TAF3: variants seen among roughly 807,000 people sequenced by gnomAD.
The protein encoded by TAF3 is TATA-box binding protein associated factor 3.
In TAF3, 7 loss-of-function variants were observed where a neutral mutation model predicts 80.6. The ratio of observed to expected loss-of-function variants is 0.09; its 90% CI spans 0.05 to 0.16. TAF3 has a LOEUF of 0.16. Ranked by LOEUF, TAF3 falls within the 10% of genes least tolerant of loss-of-function variation. The pLI is 1.00. For missense variants in TAF3, 921 were observed against 1,140.2 expected (o/e 0.81, Z 2.77); for synonymous variants, 444 against 446.1 (o/e 1.00, Z 0.06).
intron 4 of TAF3, among the ~76,000 whole-genome samples, chr10:8,008,404 G>A (rs1396963413): frequency 2.0e-5 from 3 of 152,072 alleles, no homozygotes; most frequent in South Asian, 2.1e-4. Context: ...CAGCCTGAAC[G>A]GTCAATCTTT....
In TAF3 at chr10:7,818,874, C is replaced by T. The variant is rs1836659067; in HGVS notation, c.165C>T (p.Leu55=). Residue 55 remains leucine, a splice_region_variant and synonymous_variant, in exon 1 of 7, where the codon CTC becomes CTT. Transcript: ENST00000344293. ...LGRGCHRYSE[L]YGRTDPILDD... ...GGGGCTGCCATCGGTACTCTGAGCT[C>T]TGTGAGTACCGGGCTGGGTGCGGGA... The T allele has an allele frequency of 4.1e-6, 6 of 1,471,460 alleles. No homozygotes were observed. Among genetic ancestry groups the T allele is most frequent in the Non-Finnish European group, 5.4e-6 (6 of 1,119,512 alleles). The allele number at this position is 1,471,460 out of a possible 1,614,324, so 91.2% of individuals were successfully genotyped here.
At chr10:7,995,895 A>G (rs758875949) in intron 4 of TAF3, among the ~76,000 whole-genome samples, 2 of 152,206 alleles carry the variant, frequency 1.3e-5, no homozygotes, top group Non-Finnish European at 2.9e-5. Context: ...AAGAATCAAC[A>G]TAAAACCGAT....
chr10:7,929,436 T>C (rs1465402310), intron 2 of TAF3, among the ~76,000 whole-genome samples: 1 of 152,130 alleles, frequency 6.6e-6, no homozygotes, highest in Non-Finnish European at 1.5e-5. Flanking sequence ...GGGTCTGGCT[T>C]TGTCAACTAG....
At position 8,015,546 on chromosome 10, in the gene TAF3, T is replaced by C. The variant is rs1832095692; in HGVS notation, c.*795T>C. ...AAATAATAAATATTTATGAAGTAGT[T>C]ATTTTTTAAATTTTTATCGTGTTTA... On this transcript the variant is annotated 3_prime_UTR_variant, in exon 7 of 7. Transcript: ENST00000344293. The C allele has an allele frequency of 6.6e-6, 1 of 152,190 alleles. No individual in the cohort carries two copies. 9.4% of individuals were successfully genotyped at this position (152,190 alleles called of 1,614,324 possible).
intron 2 of TAF3, among the ~76,000 whole-genome samples, chr10:7,922,746 G>A (rs565793217): frequency 1.3e-4 from 20 of 152,096 alleles, no homozygotes; most frequent in Middle Eastern, 3.4e-3. Context: ...ATACTGGAAC[G>A]TATAAAAGGT....
chr10:7,910,407 A>G (rs985508901), intron 2 of TAF3, among the ~76,000 whole-genome samples: 5 of 152,144 alleles, frequency 3.3e-5, no homozygotes, highest in African/African-American at 1.2e-4. Context: ...TTGAGACAGA[A>G]TCTTGCTCCA....
intron 2 of TAF3, among the ~76,000 whole-genome samples, chr10:7,940,752 T>A (rs908948567): frequency 7.2e-5 from 11 of 152,064 alleles, no homozygotes; most frequent in African/African-American, 2.7e-4. Context: ...CCCAGGAGTT[T>A]GAGACCAGCC....
intron 2 of TAF3, among the ~76,000 whole-genome samples, chr10:7,863,479 G>A (rs893716113): frequency 2.7e-5 from 4 of 150,706 alleles, no homozygotes; most frequent in Non-Finnish European, 4.4e-5. Context: ...GTGTGGTGGT[G>A]CACACCTGTT....
At position 7,998,838 on chromosome 10, in the gene TAF3, C is replaced by CA. The variant is rs879774272; in HGVS notation, c.2316-10229dup. On this transcript the variant is annotated intron_variant, in intron 4 of 6. Transcript: ENST00000344293. ...TGGGCAACAGAGTGAGACTCCATCT[C>CA]AAAAAAAAAAAGAAAAAAAAAGAAA... is the stretch of plus-strand genomic sequence containing the variant. Among the ~76,000 whole-genome samples, 386 of 99,478 alleles carry CA rather than the reference C, an allele frequency of 3.9e-3. 1 individual carries two copies. Among genetic ancestry groups the CA allele is most frequent in the Middle Eastern group, 5.6e-3 (1 of 180 alleles). The allele number at this position is 99,478 out of a possible 152,430, so 65.3% of individuals were successfully genotyped here. A position where few individuals can be genotyped will look rare whatever the true frequency, so the allele number is the denominator to read the frequency against.
chr10:7,941,307 T>C (rs1837973622), intron 2 of TAF3, among the ~76,000 whole-genome samples: 1 of 152,260 alleles, frequency 6.6e-6, no homozygotes, highest in Non-Finnish European at 1.5e-5. Flanking sequence ...CAGTAAATAT[T>C]TGTTGAATTA....
At chr10:7,989,836 T>C (rs1339898561) in intron 4 of TAF3, among the ~76,000 whole-genome samples, 3 of 152,224 alleles carry the variant, frequency 2.0e-5, no homozygotes, top group Non-Finnish European at 2.9e-5. Flanking sequence ...TACTGGTCCA[T>C]TGGCCAAAGT....
At chr10:7,822,259 A>T (rs1246239094) in intron 1 of TAF3, among the ~76,000 whole-genome samples, 1 of 144,478 alleles carries the variant, frequency 6.9e-6, no homozygotes, top group Non-Finnish European at 1.5e-5. Context: ...AAAAAAAAAA[A>T]GGTGGCCGAA....
intron 2 of TAF3, among the ~76,000 whole-genome samples, chr10:7,961,411 G>A (rs776365464): frequency 1.1e-4 from 17 of 152,164 alleles, no homozygotes; most frequent in Non-Finnish European, 1.9e-4. Flanking sequence ...TTTGCAGCAT[G>A]GCTTCTGCTG....
intron 2 of TAF3, among the ~76,000 whole-genome samples, chr10:7,908,521 C>T (rs2131177461): frequency 6.6e-6 from 1 of 152,296 alleles, no homozygotes; most frequent in Admixed American, 6.5e-5. Flanking sequence ...TAAATGTCAT[C>T]TGGCATTACC....
intron 4 of TAF3, among the ~76,000 whole-genome samples, chr10:8,000,430 T>TA (rs1323307288): frequency 6.6e-6 from 1 of 152,130 alleles, no homozygotes; most frequent in East Asian, 1.9e-4. Flanking sequence ...TTCTTTTTTT[T>TA]ATGCAAGTTA....
At chr10:7,844,261 T>C (rs748674472) in intron 2 of TAF3, among the ~76,000 whole-genome samples, 2 of 152,184 alleles carry the variant, frequency 1.3e-5, no homozygotes, top group Non-Finnish European at 2.9e-5. Context: ...TATTGTCCAT[T>C]TTCCTTCCAT....
intron 2 of TAF3, among the ~76,000 whole-genome samples, chr10:7,863,875 C>G (rs1475931594): frequency 6.6e-6 from 1 of 151,410 alleles, no homozygotes; most frequent in Non-Finnish European, 1.5e-5. Flanking sequence ...GTAAATATTT[C>G]ATATTTTCAA....
intron 2 of TAF3, among the ~76,000 whole-genome samples, chr10:7,871,723 C>T (rs1241749996): frequency 2.6e-5 from 4 of 152,060 alleles, no homozygotes; most frequent in Non-Finnish European, 4.4e-5. Flanking sequence ...GAATTACAGG[C>T]GGGAGCCACC....
At chr10:7,985,577 G>A (rs1299459908) in intron 4 of TAF3, among the ~76,000 whole-genome samples, 1 of 151,904 alleles carries the variant, frequency 6.6e-6, no homozygotes, top group African/African-American at 2.4e-5. Context: ...CTGTATTCTG[G>A]TTTCTGCCCT....
Sources: allele counts gnomAD v4.1 joint callset (sites outside exome capture counted in the v4.1 genomes callset), GRCh38; gene constraint gnomAD v4.1.1; transcripts MANE v1.5; gene names NCBI Gene and HGNC (gene_info 2026-07-23, HGNC 2026-07-21).